Variants in MDFI observed in about 807,000 individuals in gnomAD.
The protein encoded by MDFI is inhibitor of MyoD family a.
Under a neutral mutation model 22.3 loss-of-function variants are expected in MDFI, and 16 were observed. The observed-to-expected ratio is 0.72, with a 90% confidence interval of 0.49 to 1.09. The LOEUF (loss-of-function observed/expected upper bound fraction) is 1.09. Among genes scored for constraint, MDFI ranks in the 50% least tolerant of loss-of-function variants. The pLI is 0.00. For synonymous variants in MDFI, 145 were observed against 142.7 expected, an observed-to-expected ratio of 1.02 and a Z score of -0.12; for missense variants, 314 against 326.1, an observed-to-expected ratio of 0.96 and a Z score of 0.29.
intron 3 of MDFI, among the ~76,000 whole-genome samples, chr6:41,647,777 T>C (rs1768105929): frequency 6.6e-6 from 1 of 151,742 alleles, no homozygotes; most frequent in Admixed American, 6.6e-5. Context: ...CTCCACCTAC[T>C]CACGCCTGTA....
rs192402101 is a variant in MDFI at position 41,648,618 on chromosome 6, C to A, written c.260-1001C>A. Among the ~76,000 whole-genome samples the A allele has an allele frequency of 1.8e-4, 27 of 152,266 alleles. No individual in the cohort carries two copies. In the South Asian group the frequency reaches 5.4e-3, roughly 30 times the overall value. On this transcript the variant is annotated intron_variant, in intron 3 of 4. Coordinates refer to ENST00000230321, the MANE Select transcript of MDFI (RefSeq NM_005586.4). ...GCTCCTGAGGGACTGAAGTGCCCCC[C>A]ACATTTACAGAGGGTCCTTGAGGCC...
intron 4 of MDFI, among the ~76,000 whole-genome samples, chr6:41,652,919 A>G (rs2127437190): frequency 6.6e-6 from 1 of 152,160 alleles, no homozygotes; most frequent in Non-Finnish European, 1.5e-5. Flanking sequence ...GGCCCGGCCG[A>G]CTTCTCTTAA....
In MDFI at chr6:41,649,623, GC is replaced by G. The variant is rs749391036; in HGVS notation, c.266del (p.Pro89LeufsTer89). 1 of 1,595,712 alleles carries G rather than the reference GC, an allele frequency of 6.3e-7. No homozygotes were observed. The highest frequency in any genetic ancestry group is 8.6e-7 in the Non-Finnish European group (1 of 1,168,938). On this transcript the variant is annotated frameshift_variant, in exon 4 of 5. Coordinates refer to ENST00000230321, the MANE Select transcript of MDFI (RefSeq NM_005586.4). LOFTEE classifies it high-confidence loss of function. ...ACTTTCTCTTCATCTCTCCAGGCCA[GC>G]CTCAGGGGAACCCCTTGGGCTGCAC... ...DVPTEAVTCQ[P>X]QGNPLGCTPL...
At chr6:41,652,116 G>C (rs1221924571) in intron 4 of MDFI, among the ~76,000 whole-genome samples, 1 of 152,218 alleles carries the variant, frequency 6.6e-6, no homozygotes, top group Non-Finnish European at 1.5e-5. Context: ...GTGTGAGGCA[G>C]AGCCAGCCGG....
chr6:41,649,597 C>T, intron 3 of MDFI, 22 bp from the exon 4 acceptor site: 1 of 1,545,610 alleles, frequency 6.5e-7, no homozygotes, highest in Non-Finnish European at 8.7e-7. Context: ...TTTCCCATCA[C>T]ACTTTCTCTT....
intron 2 of MDFI, among the ~76,000 whole-genome samples, chr6:41,641,253 G>A (rs1767843833): frequency 6.6e-6 from 1 of 152,240 alleles, no homozygotes; most frequent in African/African-American, 2.4e-5. Context: ...AAGGGAGTGA[G>A]TTGGGAGGGC....
chr6:41,649,842 A>T lies in MDFI; in HGVS notation c.483A>T (p.Glu161Asp), dbSNP rs764038303. The T allele has an allele frequency of 6.2e-7, 1 of 1,612,740 alleles. No homozygotes were observed. The highest frequency in any genetic ancestry group is 1.7e-5 in the Admixed American group (1 of 59,958). The change falls in exon 4 of 5, where the codon GAA (glutamate) becomes GAT (aspartate). Residue 161 changes from glutamate to aspartate, a missense_variant and splice_region_variant. Glu to Asp is a conservative substitution (Grantham distance 45). Coordinates refer to ENST00000230321, the MANE Select transcript of MDFI (RefSeq NM_005586.4). ...TTSQIPLQAQ[E>D]DCCVHCILSC... ...CCCAGATCCCCCTCCAGGCACAGGA[A>T]GGTAAGCACCCATCCCATCTCTCCC...
At chr6:41,638,438 G>A (rs1449231751), upstream of MDFI, 3 of 408,272 alleles carry the variant, frequency 7.3e-6, no homozygotes, top group East Asian at 1.6e-4. The surrounding 1 kb of genome is among the most constrained non-coding windows in gnomAD (Gnocchi z 7.6). Context: ...GAGTAGGGGA[G>A]GAGCGAGGGG....
chr6:41,638,685 G>A lies in MDFI; in HGVS notation c.-12+33G>A, dbSNP rs929600654. 32 of 1,497,706 alleles carry A rather than the reference G, an allele frequency of 2.1e-5. No homozygotes were observed. The highest frequency in any genetic ancestry group is 7.0e-5 in the African/African-American group (5 of 71,894). 92.8% of individuals were successfully genotyped at this position (1,497,706 alleles called of 1,614,324 possible). On this transcript the variant is annotated intron_variant, in intron 1 of 4. Transcript: ENST00000230321. This position sits in a 1 kb window ranked among gnomAD's most constrained non-coding sequence, Gnocchi z 7.6. ...GACGTGGGAGGCGCGCATCTGCGGG[G>A]GAATCGCCCCTTGCCCGCCTCCGGC...
chr6:41,650,573 CTTTT>C (rs34897556), intron 4 of MDFI, among the ~76,000 whole-genome samples: 2 of 129,686 alleles, frequency 1.5e-5, no homozygotes, highest in Non-Finnish European at 3.2e-5. Context: ...AGTCTTTTTC[CTTTT>C]TTTTTTTTTT....
At chr6:41,643,572 A>AGGGAGGGAG (rs1767935475) in intron 2 of MDFI, among the ~76,000 whole-genome samples, 1 of 89,824 alleles carries the variant, frequency 1.1e-5, no homozygotes, top group African/African-American at 5.3e-5. Flanking sequence ...GAAGGAAGGA[A>AGGGAGGGAG]GGAAGGAGGG....
Position 41,649,680 on chromosome 6 carries a change from C to T in MDFI, c.321C>T (p.Pro107=), listed in dbSNP as rs1404167665. ...TPLLPNDSGH[P]SELGGTRRAG... is the part of the protein sequence containing the mutation. ...TTCTGCCGAATGACTCTGGCCACCC[C>T]TCAGAGCTGGGCGGCACCAGACGGG... is the stretch of plus-strand genomic sequence containing the variant. Residue 107 remains proline, a synonymous_variant, in exon 4 of 5, where the codon CCC becomes CCT. Transcript: ENST00000230321. The T allele has an allele frequency of 1.4e-5, 23 of 1,613,750 alleles. No individual in the cohort carries two copies. Among genetic ancestry groups the T allele is most frequent in the Non-Finnish European group, 1.9e-5 (23 of 1,179,832 alleles).
chr6:41,640,131 G>A (rs2268412), intron 2 of MDFI, among the ~76,000 whole-genome samples: 43,920 of 152,104 alleles, frequency 0.29, 7,159 homozygotes, highest in African/African-American at 0.45. Context: ...CCTTCAGCCC[G>A]GAGGGACAGC....
intron 4 of MDFI, among the ~76,000 whole-genome samples, chr6:41,651,988 T>C (rs1768286733): frequency 6.6e-6 from 1 of 152,248 alleles, no homozygotes; most frequent in African/African-American, 2.4e-5. Context: ...CCTGCCCTGC[T>C]GGAGCTTACA....
intron 2 of MDFI, among the ~76,000 whole-genome samples, chr6:41,644,002 G>A (rs1444526466): frequency 6.6e-6 from 1 of 152,096 alleles, no homozygotes; most frequent in Non-Finnish European, 1.5e-5. Context: ...AGGGTCCGGA[G>A]CTAGGCAGGC....
intron 4 of MDFI, among the ~76,000 whole-genome samples, chr6:41,650,611 T>C (rs1173960370): frequency 6.8e-6 from 1 of 147,296 alleles, no homozygotes; most frequent in Non-Finnish European, 1.5e-5. Flanking sequence ...TCTTGCTCTG[T>C]CGCCCAGGCT....
chr6:41,652,316 T>C (rs1768299984), intron 4 of MDFI, among the ~76,000 whole-genome samples: 1 of 150,780 alleles, frequency 6.6e-6, no homozygotes, highest in African/African-American at 2.4e-5. Flanking sequence ...AGGAGAAGAG[T>C]GGGAGAAGAG....
rs891577506 is a variant in MDFI at position 41,648,724 on chromosome 6, G to T, written c.260-895G>T. On this transcript the variant is annotated intron_variant, in intron 3 of 4. Transcript: ENST00000230321. ...TCAGTGACCCCTCTTCAGTCCCTCC[G>T]CACTCCCCCCACCATACACACCTCC... 9.9e-5 allele frequency among the ~76,000 whole-genome samples: 15 copies of T among 152,160 alleles called. No individual in the cohort carries two copies. The East Asian group carries it at 2.9e-3, about 29-fold the overall frequency.
At position 41,640,007 on chromosome 6, in the gene MDFI, G is replaced by C. The variant is rs907907252; in HGVS notation, c.76+1182G>C. 4 of 856,390 alleles carry C rather than the reference G, an allele frequency of 4.7e-6. No individual in the cohort carries two copies. In the African/African-American group the frequency reaches 7.3e-5, roughly 16 times the overall value. 53.0% of individuals were successfully genotyped at this position (856,390 alleles called of 1,614,324 possible). Reference sequence around the variant, plus strand: ...ATGTCTGGCCAACAGCCAGCACATAGATGAGGCCAGTGTGTCTACAGCCCA... The same window carrying C: ...ATGTCTGGCCAACAGCCAGCACATACATGAGGCCAGTGTGTCTACAGCCCA... On this transcript the variant is annotated intron_variant, in intron 2 of 4. Coordinates refer to ENST00000230321, the MANE Select transcript of MDFI (RefSeq NM_005586.4).
Sources: allele counts gnomAD v4.1 joint callset (sites outside exome capture counted in the v4.1 genomes callset), GRCh38; gene constraint gnomAD v4.1.1; non-coding constraint Gnocchi (gnomAD v3.1); transcripts MANE v1.5; gene names NCBI Gene and HGNC (gene_info 2026-07-23, HGNC 2026-07-21).